The following CSMD1 variants were observed in gnomAD, a reference collection of about 807,000 sequenced individuals.
The protein encoded by CSMD1 is CUB and Sushi multiple domains 1.
A neutral mutation model predicts 417.5 loss-of-function variants in CSMD1; 213 were observed. The observed-to-expected ratio is 0.51, with a 90% confidence interval of 0.46 to 0.57. CSMD1 has a LOEUF of 0.57. Ranked by LOEUF, CSMD1 falls within the 20% of genes least tolerant of loss-of-function variation. CSMD1 has a pLI of 0.00. For synonymous variants in CSMD1, 2,862 were observed against 1,736.8 expected (o/e 1.65, Z -16.11); for missense variants, 6,923 against 4,529.7 (o/e 1.53, Z -15.17).
chr8:4,077,294 T>TATATATATATATATATATATATGG lies in CSMD1; in HGVS notation c.416-45196_416-45195insCCATATATATATATATATATATAT, dbSNP rs1554439865. Among the ~76,000 whole-genome samples, 464 of 92,380 alleles carry TATATATATATATATATATATATGG rather than the reference T, an allele frequency of 5.0e-3. 6 individuals carry two copies. The highest frequency in any genetic ancestry group is 0.016 in the African/African-American group (443 of 28,034). The allele number at this position is 92,380 out of a possible 152,430, so 60.6% of individuals were successfully genotyped here. On this transcript the variant is annotated intron_variant, in intron 3 of 69. Transcript: ENST00000635120. ...CATTTGTCACCTATATATATATATA[T>TATATATATATATATATATATATGG]GTGTATATATATATATATATATATA...
chr8:4,628,758 T>C (rs1369600693), intron 2 of CSMD1, among the ~76,000 whole-genome samples: 1 of 152,112 alleles, frequency 6.6e-6, no homozygotes, highest in African/African-American at 2.4e-5. Flanking sequence ...TTAGATACCC[T>C]TGGAGGAGCT....
At position 4,637,494 on chromosome 8, in the gene CSMD1, G is replaced by A. The variant is rs528565092; in HGVS notation, c.150C>T (p.His50=). 1.8e-5 allele frequency: 29 copies of A among 1,613,764 alleles called. No individual in the cohort carries two copies. In the African/African-American group the frequency reaches 1.9e-4, roughly 10 times the overall value. The change falls in exon 2 of 70, where the codon CAC becomes CAT. Residue 50 remains histidine, a synonymous_variant. Transcript: ENST00000635120. ...TGCAGTTGGCATAGTTCGGATACCC[G>A]TGAGGAAACCCTGGGCTCTCAATAG... ...NGTIESPGFP[H]GYPNYANCTW...
At chr8:3,859,379 T>A (rs1330744985) in intron 5 of CSMD1, among the ~76,000 whole-genome samples, 2 of 152,230 alleles carry the variant, frequency 1.3e-5, no homozygotes, top group Non-Finnish European at 2.9e-5. Flanking sequence ...CTTCTTTTTA[T>A]AAATATCTTT....
intron 5 of CSMD1, among the ~76,000 whole-genome samples, chr8:3,955,218 C>G (rs1339577815): frequency 6.6e-6 from 1 of 152,172 alleles, no homozygotes; most frequent in Non-Finnish European, 1.5e-5. Context: ...ATGCGCCTCT[C>G]TCTCCTGTGA....
At chr8:4,396,401 A>G (rs1330955116) in intron 3 of CSMD1, among the ~76,000 whole-genome samples, 1 of 152,116 alleles carries the variant, frequency 6.6e-6, no homozygotes, top group Non-Finnish European at 1.5e-5. Context: ...TGGGAGGCAG[A>G]GGTTTCAGTG....
chr8:4,530,898 C>T (rs755721273), intron 2 of CSMD1, among the ~76,000 whole-genome samples: 3 of 151,868 alleles, frequency 2.0e-5, no homozygotes, highest in Non-Finnish European at 2.9e-5. Flanking sequence ...CCCATTATAC[C>T]GGAACTACAG....
intron 3 of CSMD1, among the ~76,000 whole-genome samples, chr8:4,212,776 T>TTTTTTTTTTTTTTTTC (rs1563282662): frequency 9.4e-6 from 1 of 105,850 alleles, no homozygotes; most frequent in African/African-American, 3.4e-5. Flanking sequence ...TTTTTTTTTT[T>TTTTTTTTTTTTTTTTC]ACAAGCTATT....
intron 5 of CSMD1, among the ~76,000 whole-genome samples, chr8:3,909,607 C>T (rs1584948781): frequency 6.6e-6 from 1 of 152,094 alleles, no homozygotes; most frequent in Admixed American, 6.5e-5. Flanking sequence ...ATAAGGCCCT[C>T]TGTTAGGCTC....
intron 2 of CSMD1, among the ~76,000 whole-genome samples, chr8:4,561,304 C>T (rs1035221472): frequency 1.3e-5 from 2 of 152,090 alleles, no homozygotes; most frequent in African/African-American, 4.8e-5. Flanking sequence ...AACTCAGGAG[C>T]TGGAGGTTGC....
At chr8:3,406,917 T>A (rs1277709451) in intron 14 of CSMD1, among the ~76,000 whole-genome samples, 2 of 152,214 alleles carry the variant, frequency 1.3e-5, no homozygotes, top group African/African-American at 4.8e-5. Context: ...TTTTAATCCT[T>A]GGCTCCTGAC....
At chr8:3,420,335 G>A (rs1272582817) in intron 12 of CSMD1, among the ~76,000 whole-genome samples, 1 of 151,470 alleles carries the variant, frequency 6.6e-6, no homozygotes, top group Non-Finnish European at 1.5e-5. Context: ...CCAAGGAAAG[G>A]CAGTAACAAT....
At chr8:3,906,064 TCA>T (rs1296148068) in intron 5 of CSMD1, among the ~76,000 whole-genome samples, 1 of 152,152 alleles carries the variant, frequency 6.6e-6, no homozygotes, top group Non-Finnish European at 1.5e-5. Context: ...GTGAAGAGAC[TCA>T]CAGACATGCT....
chr8:3,721,228 C>T (rs751674095), intron 6 of CSMD1, among the ~76,000 whole-genome samples: 4 of 152,172 alleles, frequency 2.6e-5, no homozygotes, highest in Admixed American at 6.5e-5. Context: ...ATTTGTGAAA[C>T]TCCTAAATCC....
At chr8:3,096,134 T>A (rs772309928) in intron 47 of CSMD1, among the ~76,000 whole-genome samples, 16 of 152,194 alleles carry the variant, frequency 1.1e-4, no homozygotes, top group Admixed American at 1.0e-3. Flanking sequence ...ATTGAGATCA[T>A]CTTCTCTAAA....
intron 12 of CSMD1, among the ~76,000 whole-genome samples, chr8:3,416,975 C>T (rs1047657991): frequency 1.3e-5 from 2 of 152,316 alleles, no homozygotes; most frequent in African/African-American, 2.4e-5. Context: ...TTCTCTAAAT[C>T]TCAATAGATG....
chr8:4,357,659 A>G (rs1035172204), intron 3 of CSMD1, among the ~76,000 whole-genome samples: 1 of 152,188 alleles, frequency 6.6e-6, no homozygotes, highest in Non-Finnish European at 1.5e-5. Context: ...CTATAACTTT[A>G]AAGTTTTCTT....
intron 5 of CSMD1, among the ~76,000 whole-genome samples, chr8:3,839,123 T>C (rs1802927848): frequency 7.8e-6 from 1 of 127,664 alleles, no homozygotes; most frequent in African/African-American, 2.9e-5. Context: ...TCTATATGTA[T>C]ACTCTCTCTA....
At chr8:4,187,315 C>G (rs932703817) in intron 3 of CSMD1, among the ~76,000 whole-genome samples, 21 of 152,244 alleles carry the variant, frequency 1.4e-4, no homozygotes, top group South Asian at 6.2e-4. Flanking sequence ...GGACAACCCA[C>G]TAGGATGCAA....
At chr8:4,816,845 T>C (rs73181533) in intron 1 of CSMD1, among the ~76,000 whole-genome samples, 22 of 152,218 alleles carry the variant, frequency 1.4e-4, no homozygotes, top group Non-Finnish European at 2.5e-4. Context: ...ATTAATGGTA[T>C]ACAGGAAGCA....
Sources: allele counts gnomAD v4.1 joint callset (sites outside exome capture counted in the v4.1 genomes callset), GRCh38; gene constraint gnomAD v4.1.1; transcripts MANE v1.5; gene names NCBI Gene and HGNC (gene_info 2026-07-23, HGNC 2026-07-21).